Variants in EYS observed in about 807,000 individuals in gnomAD.
EYS encodes protein eyes shut homolog.
In EYS, 250 loss-of-function variants were observed where a neutral mutation model predicts 282.1. The observed-to-expected ratio is 0.89, with a 90% CI of 0.80 to 0.98. The LOEUF is 0.98. Among genes scored for constraint, EYS ranks in the 50% least tolerant of loss-of-function variants. The probability of loss-of-function intolerance (pLI) is 0.00; values close to 1 mark genes in which losing one functional copy is unlikely to be tolerated. For missense variants in EYS, 4,016 were observed against 3,709.0 expected (o/e 1.08, Z -2.15); for synonymous variants, 1,355 against 1,282.9 (o/e 1.06, Z -1.20).
chr6:64,245,912 G>A (rs1032286932), intron 30 of EYS, among the ~76,000 whole-genome samples: 2 of 150,356 alleles, frequency 1.3e-5, no homozygotes, highest in Non-Finnish European at 3.0e-5. Context: ...CCAGCTACAC[G>A]GGAGGCTGAG....
At chr6:64,740,394 T>A (rs1772330152) in intron 22 of EYS, among the ~76,000 whole-genome samples, 1 of 152,214 alleles carries the variant, frequency 6.6e-6, no homozygotes, top group South Asian at 2.1e-4. Flanking sequence ...CAAACACTCA[T>A]TAAAAGCTTA....
At chr6:64,172,779 G>A (rs1000233144) in intron 31 of EYS, among the ~76,000 whole-genome samples, 87 of 152,104 alleles carry the variant, frequency 5.7e-4, no homozygotes, top group African/African-American at 1.6e-3. Context: ...TCAGATCAAT[G>A]GTGACATTAG....
chr6:65,294,524 A>C (rs1014043913), intron 12 of EYS, among the ~76,000 whole-genome samples: 1 of 151,918 alleles, frequency 6.6e-6, no homozygotes, highest in Non-Finnish European at 1.5e-5. Context: ...ATATGTGGTA[A>C]AACTATATAG....
chr6:65,523,878 A>G (rs1248005263), intron 2 of EYS, among the ~76,000 whole-genome samples: 1 of 152,010 alleles, frequency 6.6e-6, no homozygotes, highest in East Asian at 1.9e-4. Context: ...TAAAAGTCCA[A>G]CTTTTTGTTT....
chr6:64,453,266 T>C (rs1019487285), intron 26 of EYS, among the ~76,000 whole-genome samples: 2 of 152,172 alleles, frequency 1.3e-5, no homozygotes, highest in South Asian at 2.1e-4. Context: ...ATGCTTATCA[T>C]CACTGGCCAT....
intron 28 of EYS, among the ~76,000 whole-genome samples, chr6:64,389,932 G>A (rs1360092198): frequency 6.6e-6 from 1 of 151,096 alleles, no homozygotes; most frequent in Non-Finnish European, 1.5e-5. Flanking sequence ...TGCGCCAGCC[G>A]AAGCAGGGCA....
At position 63,938,223 on chromosome 6, in the gene EYS, T is replaced by C. The variant is rs958254917; in HGVS notation, c.7055+46160A>G. ...CTACAGGAATAACGCATATTTAGAGTTGCTGGTCTCGTATGGTGATACAGA... is the reference window on the plus strand; with the variant it reads ...CTACAGGAATAACGCATATTTAGAGCTGCTGGTCTCGTATGGTGATACAGA... On this transcript the variant is annotated intron_variant, in intron 35 of 42. Transcript: ENST00000503581. 2.0e-5 allele frequency among the ~76,000 whole-genome samples: 3 copies of C among 152,168 alleles called. No individual in the cohort carries two copies. In the East Asian group the frequency reaches 5.8e-4, roughly 29 times the overall value.
intron 1 of EYS, among the ~76,000 whole-genome samples, chr6:65,682,614 T>C (rs147308886): frequency 1.3e-5 from 2 of 152,080 alleles, no homozygotes; most frequent in African/African-American, 4.8e-5. Context: ...GCCTAATATA[T>C]ATCACATGCT....
intron 26 of EYS, among the ~76,000 whole-genome samples, chr6:64,505,917 T>C (rs1052435940): frequency 3.9e-5 from 6 of 152,196 alleles, no homozygotes; most frequent in Admixed American, 1.3e-4. Context: ...AGTATGCTGA[T>C]ATGCTTGAGA....
At chr6:65,188,011 A>G (rs1414571454) in intron 12 of EYS, among the ~76,000 whole-genome samples, 1 of 151,704 alleles carries the variant, frequency 6.6e-6, no homozygotes, top group Non-Finnish European at 1.5e-5. Context: ...TGACTTTTAC[A>G]TTAAACTTTC....
rs1369717387 is a variant in EYS, at chr6:65,443,683, CATACACATATATACACATATGTGCAT to C, written c.863-38342_863-38317del. 1.6e-3 allele frequency among the ~76,000 whole-genome samples: 241 copies of C among 149,930 alleles called. 1 individual carries two copies. Among genetic ancestry groups the C allele is most frequent in the Middle Eastern group, 3.9e-3 (1 of 258 alleles). On this transcript the variant is annotated intron_variant, in intron 5 of 42. Transcript: ENST00000503581. ...CATATACGTATACATCATATACACA[CATACACATATATACACATATGTGCAT>C]ATACACATATATACACATACGTGCA...
chr6:63,963,033 T>C (rs368959427), intron 35 of EYS, among the ~76,000 whole-genome samples: 2 of 150,526 alleles, frequency 1.3e-5, no homozygotes, highest in African/African-American at 4.9e-5. Flanking sequence ...ACCGCATGTT[T>C]TCACTCATAG....
chr6:64,678,716 G>T (rs1583030666), intron 22 of EYS, among the ~76,000 whole-genome samples: 1 of 152,116 alleles, frequency 6.6e-6, no homozygotes, highest in Admixed American at 6.5e-5. Context: ...CCTGCACAGT[G>T]GCTCTCGCCT....
chr6:65,174,800 C>T (rs1765187795), intron 12 of EYS, among the ~76,000 whole-genome samples: 1 of 151,282 alleles, frequency 6.6e-6, no homozygotes, highest in South Asian at 2.1e-4. Flanking sequence ...TAAGAAATTA[C>T]ATTTGTATGT....
intron 22 of EYS, among the ~76,000 whole-genome samples, chr6:64,711,239 A>G (rs937953553): frequency 3.3e-5 from 5 of 152,236 alleles, no homozygotes; most frequent in Non-Finnish European, 5.9e-5. Flanking sequence ...GCAACATTGT[A>G]TTTTAAAAGT....
At chr6:64,378,497 A>C (rs555539009) in intron 29 of EYS, among the ~76,000 whole-genome samples, 22 of 152,318 alleles carry the variant, frequency 1.4e-4, no homozygotes, top group African/African-American at 5.0e-4. Context: ...ATAGGACTAG[A>C]AATAACTTCA....
intron 2 of EYS, among the ~76,000 whole-genome samples, chr6:65,618,753 G>A (rs12190461): frequency 0.36 from 54,382 of 152,080 alleles, 12,128 homozygotes; most frequent in Non-Finnish European, 0.49. Flanking sequence ...AAGGGATCCA[G>A]TTTCAGCTTT....
Position 64,410,925 on chromosome 6 carries a change from TC to T in EYS, c.5928-22086del, listed in dbSNP as rs377512421. On this transcript the variant is annotated intron_variant, in intron 28 of 42. Coordinates refer to ENST00000503581, the MANE Select transcript of EYS (RefSeq NM_001142800.2). ...TGAAAAACATTAGAATTTTGGATAC[TC>T]AAAATTTTTAGTTGGGTAGTAATCT... 2.6e-3 allele frequency among the ~76,000 whole-genome samples: 389 copies of T among 152,274 alleles called. 3 individuals carry two copies. Among genetic ancestry groups the T allele is most frequent in the African/African-American group, 8.7e-3 (363 of 41,558 alleles).
chr6:65,034,927 C>T (rs958724321), intron 13 of EYS, among the ~76,000 whole-genome samples: 2 of 151,894 alleles, frequency 1.3e-5, no homozygotes, highest in East Asian at 1.9e-4. Flanking sequence ...AAATTTAGAC[C>T]GATATCTCTG....
Sources: gnomAD v4.1 joint callset for allele counts (sites outside exome capture counted in the v4.1 genomes callset) on GRCh38, gnomAD v4.1.1 for gene constraint, MANE v1.5 for transcripts, NCBI Gene and HGNC (gene_info 2026-07-23, HGNC 2026-07-21) for gene names.